The following SUGCT variants were observed in gnomAD, a reference collection of about 807,000 sequenced individuals.
The protein encoded by SUGCT is succinyl-CoA:glutarate CoA-transferase.
A neutral mutation model predicts 55.0 loss-of-function variants in SUGCT; 41 were observed. The observed-to-expected ratio is 0.74, with a 90% confidence interval of 0.58 to 0.97. The LOEUF is 0.97. Ranked by LOEUF, SUGCT falls within the 50% of genes least tolerant of loss-of-function variation. The probability of loss-of-function intolerance (pLI) is 0.00; values close to 1 mark genes in which losing one functional copy is unlikely to be tolerated. For missense variants in SUGCT, 568 were observed against 547.8 expected (o/e 1.04, Z -0.37); for synonymous variants, 187 against 200.4 (o/e 0.93, Z 0.56).
At position 40,272,658 on chromosome 7, in the gene SUGCT, A is replaced by T. The variant is rs1345890850; in HGVS notation, c.577-1855A>T. Among the ~76,000 whole-genome samples the T allele has an allele frequency of 2.0e-3, 286 of 144,914 alleles. 1 individual carries two copies. The highest frequency in any genetic ancestry group is 6.2e-3 in the African/African-American group (243 of 39,350). On this transcript the variant is annotated intron_variant, in intron 7 of 13. Coordinates refer to ENST00000335693, the MANE Select transcript of SUGCT (RefSeq NM_001193313.2). ...ATCATATGGTATTATTATTATTATT[A>T]TTATTATTTTTTTTTTTTTGAGATG...
intron 6 of SUGCT, among the ~76,000 whole-genome samples, chr7:40,215,373 T>C (rs1787566736): frequency 6.6e-6 from 1 of 152,114 alleles, no homozygotes; most frequent in Non-Finnish European, 1.5e-5. Context: ...AGGCTGGTCT[T>C]GAACTCCTAG....
the SUGCT span, among the ~76,000 whole-genome samples, chr7:40,940,258 A>G: frequency 6.6e-6 from 1 of 152,292 alleles, no homozygotes; most frequent in African/African-American, 2.4e-5. Context: ...TAACAGGACT[A>G]TGCTGCTTTG....
chr7:40,442,206 T>G (rs1228764019), intron 9 of SUGCT, among the ~76,000 whole-genome samples: 2 of 152,188 alleles, frequency 1.3e-5, no homozygotes, highest in East Asian at 3.9e-4. Flanking sequence ...CCTTCTCTAA[T>G]GCTAATATTG....
Position 40,811,489 on chromosome 7 carries a change from G to T in SUGCT, c.1154-48827G>T, listed in dbSNP as rs367985860. On this transcript the variant is annotated intron_variant, in intron 13 of 13. Transcript: ENST00000335693. ...CTTGTAGAGCTCTTTTTTGTCCTTGGTTAGATGTAGTCTTGGGTATTTTGT... is the reference window on the plus strand; with the variant it reads ...CTTGTAGAGCTCTTTTTTGTCCTTGTTTAGATGTAGTCTTGGGTATTTTGT... Among the ~76,000 whole-genome samples the T allele has an allele frequency of 2.1e-3, 323 of 151,986 alleles. 1 individual carries two copies. Among genetic ancestry groups the T allele is most frequent in the African/African-American group, 7.5e-3 (312 of 41,480 alleles).
At chr7:41,014,455 T>C in the SUGCT span, among the ~76,000 whole-genome samples, 1 of 152,190 alleles carries the variant, frequency 6.6e-6, no homozygotes, top group Non-Finnish European at 1.5e-5. Flanking sequence ...ATTTAAAAAG[T>C]GAGAAGGGGC....
chr7:40,641,072 C>T (rs534829081), intron 12 of SUGCT, among the ~76,000 whole-genome samples: 106 of 152,344 alleles, frequency 7.0e-4, no homozygotes, highest in Non-Finnish European at 1.4e-3. Flanking sequence ...TATCTCTCTT[C>T]CCCTTCTTAA....
chr7:40,472,457 A>T (rs2151472761), intron 11 of SUGCT, among the ~76,000 whole-genome samples: 1 of 152,296 alleles, frequency 6.6e-6, no homozygotes, highest in Non-Finnish European at 1.5e-5. Flanking sequence ...GAATAGCACC[A>T]AAGAAGGAAG....
In SUGCT at chr7:40,635,021, C is replaced by T. The variant is rs191855813; in HGVS notation, c.1090-114413C>T. Among the ~76,000 whole-genome samples, 211 of 152,286 alleles carry T rather than the reference C, an allele frequency of 1.4e-3. 1 individual carries two copies. Among genetic ancestry groups the T allele is most frequent in the Non-Finnish European group, 6.2e-4 (42 of 68,020 alleles). The stretch of plus-strand genomic sequence containing the variant: ...GGGACTGAGGCTGGGTGCGGTGGCT[C>T]ACCCCTGCAATCCCAGCACTTTGGG... On this transcript the variant is annotated intron_variant, in intron 12 of 13. Coordinates refer to ENST00000335693, the MANE Select transcript of SUGCT (RefSeq NM_001193313.2).
intron 8 of SUGCT, among the ~76,000 whole-genome samples, chr7:40,277,177 G>A (rs1792557733): frequency 6.6e-6 from 1 of 152,072 alleles, no homozygotes; most frequent in Non-Finnish European, 1.5e-5. Context: ...TAAAATTAGT[G>A]TATTTCAGTC....
rs573102551 is a variant in SUGCT, at chr7:40,548,353, T to TA, written c.1089+51969dup. On this transcript the variant is annotated intron_variant, in intron 12 of 13. Coordinates refer to ENST00000335693, the MANE Select transcript of SUGCT (RefSeq NM_001193313.2). ...ACAGGCACACCCCATGGCACACTGC[T>TA]AATTTTTTAAAATTTTTAACGGTTT... Among the ~76,000 whole-genome samples, 564 of 152,146 alleles carry TA rather than the reference T, an allele frequency of 3.7e-3. 5 individuals carry two copies. Among genetic ancestry groups the TA allele is most frequent in the African/African-American group, 0.012 (513 of 41,510 alleles).
At chr7:40,221,494 C>CTT (rs1452847552) in intron 6 of SUGCT, among the ~76,000 whole-genome samples, 21 of 130,578 alleles carry the variant, frequency 1.6e-4, no homozygotes, top group African/African-American at 4.5e-4. Context: ...TGTTATTGGT[C>CTT]TTTTTTTTTT....
chr7:40,969,429 C>T, the SUGCT span, among the ~76,000 whole-genome samples: 1 of 152,216 alleles, frequency 6.6e-6, no homozygotes. Flanking sequence ...GGCACAATCA[C>T]AGCTCACTGC....
intron 12 of SUGCT, among the ~76,000 whole-genome samples, chr7:40,737,141 A>G (rs1361686454): frequency 6.6e-6 from 1 of 152,188 alleles, no homozygotes. Flanking sequence ...TTTTCTAGGG[A>G]AACAGGGCAA....
intron 13 of SUGCT, among the ~76,000 whole-genome samples, chr7:40,791,239 G>GT (rs1253097134): frequency 1.3e-5 from 2 of 152,110 alleles, no homozygotes; most frequent in Non-Finnish European, 2.9e-5. Flanking sequence ...TAAAATTAGT[G>GT]TAACACAAAT....
At chr7:40,929,108 G>A in the SUGCT span, among the ~76,000 whole-genome samples, 83 of 147,078 alleles carry the variant, frequency 5.6e-4, no homozygotes, top group Middle Eastern at 7.0e-3. Flanking sequence ...GACAGGCCCC[G>A]GTGTGTGATG....
At chr7:40,349,944 T>A (rs1454306808) in intron 9 of SUGCT, among the ~76,000 whole-genome samples, 1 of 152,198 alleles carries the variant, frequency 6.6e-6, no homozygotes, top group Admixed American at 6.5e-5. Context: ...TGCCTCGGCT[T>A]CCCAAAGTGC....
intron 8 of SUGCT, among the ~76,000 whole-genome samples, chr7:40,311,558 G>A (rs750874264): frequency 6.6e-6 from 1 of 152,072 alleles, no homozygotes. Flanking sequence ...CCATGGTTTA[G>A]TTATATTTGT....
chr7:40,648,763 G>A (rs1409750374), intron 12 of SUGCT, among the ~76,000 whole-genome samples: 1 of 152,206 alleles, frequency 6.6e-6, no homozygotes, highest in East Asian at 1.9e-4. Context: ...TCAGCTACAA[G>A]TATGCCAAGG....
intron 9 of SUGCT, among the ~76,000 whole-genome samples, chr7:40,371,469 C>T (rs916755080): frequency 4.6e-5 from 7 of 152,126 alleles, no homozygotes; most frequent in South Asian, 4.1e-4. Context: ...CTGTGGAGTC[C>T]GGTTAAGGCA....
Sources: gnomAD v4.1 joint callset for allele counts (sites outside exome capture counted in the v4.1 genomes callset) on GRCh38, gnomAD v4.1.1 for gene constraint, MANE v1.5 for transcripts, NCBI Gene and HGNC (gene_info 2026-07-23, HGNC 2026-07-21) for gene names.